The following ZNF521 variants were observed in gnomAD, a reference collection of about 807,000 sequenced individuals.
The protein encoded by ZNF521 is LYST-interacting protein 3.
A neutral mutation model predicts 105.5 loss-of-function variants in ZNF521; 14 were observed. That is an observed-to-expected ratio of 0.13 (90% confidence interval 0.09 to 0.21). The LOEUF (loss-of-function observed/expected upper bound fraction) is 0.21. ZNF521 is among the 10% of genes least tolerant of loss of function. The probability of loss-of-function intolerance (pLI) is 1.00; values close to 1 mark genes in which losing one functional copy is unlikely to be tolerated. For synonymous variants in ZNF521, 635 were observed against 606.0 expected, an observed-to-expected ratio of 1.05 and a Z score of -0.70; for missense variants, 1,233 against 1,629.7, an observed-to-expected ratio of 0.76 and a Z score of 4.19.
chr18:25,109,108 C>T (rs1390165899), intron 5 of ZNF521, among the ~76,000 whole-genome samples: 1 of 151,978 alleles, frequency 6.6e-6, no homozygotes, highest in Non-Finnish European at 1.5e-5. Context: ...CCCTCACGCC[C>T]CCAACCCTCC....
At chr18:25,179,208 C>T (rs1257920671) in intron 5 of ZNF521, among the ~76,000 whole-genome samples, 1 of 125,672 alleles carries the variant, frequency 8.0e-6, no homozygotes, top group Admixed American at 1.0e-4. Flanking sequence ...GGCTGGAGTG[C>T]AGTGGTGTGA....
chr18:25,309,022 T>C (rs1912147638), intron 3 of ZNF521, among the ~76,000 whole-genome samples: 1 of 152,186 alleles, frequency 6.6e-6, no homozygotes, highest in South Asian at 2.1e-4. Context: ...TTAAGCTCCA[T>C]CTGTGAGTGA....
At chr18:25,122,943 C>A (rs773256033) in intron 5 of ZNF521, among the ~76,000 whole-genome samples, 3 of 152,032 alleles carry the variant, frequency 2.0e-5, no homozygotes, top group Non-Finnish European at 4.4e-5. Context: ...CGCACTCAGC[C>A]AGTCACAGGT....
intron 5 of ZNF521, among the ~76,000 whole-genome samples, chr18:25,111,583 T>C (rs2034190748): frequency 6.6e-6 from 1 of 152,224 alleles, no homozygotes; most frequent in Non-Finnish European, 1.5e-5. Flanking sequence ...TGTTCTCAAG[T>C]AAAGCTGACA....
chr18:25,103,054 C>G, intron 5 of ZNF521, among the ~76,000 whole-genome samples: 1 of 151,904 alleles, frequency 6.6e-6, no homozygotes, highest in East Asian at 1.9e-4. Context: ...GAAGGGAAGC[C>G]TAAGTTGATG....
At chr18:25,067,080 A>G (rs931609222) in intron 7 of ZNF521, among the ~76,000 whole-genome samples, 2 of 152,202 alleles carry the variant, frequency 1.3e-5, no homozygotes, top group Non-Finnish European at 2.9e-5. Flanking sequence ...ACAGAGAGCC[A>G]TATTCTACTC....
In ZNF521 at chr18:25,272,698, C is replaced by T. The variant is rs183822645; in HGVS notation, c.221-45001G>A. 3.5e-3 allele frequency among the ~76,000 whole-genome samples: 523 copies of T among 151,582 alleles called. 3 individuals are homozygous for T. The highest frequency in any genetic ancestry group is 0.012 in the African/African-American group (494 of 41,324). On this transcript the variant is annotated intron_variant, in intron 3 of 7. Coordinates refer to ENST00000361524, the MANE Select transcript of ZNF521 (RefSeq NM_015461.3). Reference sequence around the variant, plus strand: ...AACACTGCATGTTATCAGTCACAAGCGGGAGTTGTACAATGAGGACACAGG... The same window carrying T: ...AACACTGCATGTTATCAGTCACAAGTGGGAGTTGTACAATGAGGACACAGG...
At chr18:25,236,993 G>C (rs182427538) in intron 3 of ZNF521, among the ~76,000 whole-genome samples, 1 of 152,252 alleles carries the variant, frequency 6.6e-6, no homozygotes, top group Non-Finnish European at 1.5e-5. Flanking sequence ...GGACTTTCCA[G>C]TTACCCTCTT....
chr18:25,254,216 A>G lies in ZNF521; in HGVS notation c.221-26519T>C, dbSNP rs1908316695. On this transcript the variant is annotated intron_variant, in intron 3 of 7. Transcript: ENST00000361524. ...TGGGACAGTAAAGGCTGGCTGCACC[A>G]TGCAATAAAAATCAATGAAGCAAGG... is the stretch of plus-strand genomic sequence containing the variant. Among the ~76,000 whole-genome samples the G allele has an allele frequency of 1.3e-5, 2 of 152,150 alleles. 1 individual carries two copies. The highest frequency in any genetic ancestry group is 4.1e-4 in the South Asian group (2 of 4,830).
intron 5 of ZNF521, among the ~76,000 whole-genome samples, chr18:25,165,933 A>G (rs1484216757): frequency 9.2e-5 from 14 of 152,216 alleles, no homozygotes; most frequent in Admixed American, 9.2e-4. Flanking sequence ...GTTTTCTGCC[A>G]AACAACACCA....
At chr18:25,246,831 C>A (rs1373668222) in intron 3 of ZNF521, among the ~76,000 whole-genome samples, 1 of 152,166 alleles carries the variant, frequency 6.6e-6, no homozygotes, top group Admixed American at 6.5e-5. Flanking sequence ...TGACCATAGT[C>A]TTTACTTGGG....
At chr18:25,116,923 GTATA>G (rs35050905) in intron 5 of ZNF521, among the ~76,000 whole-genome samples, 2 of 133,756 alleles carry the variant, frequency 1.5e-5, no homozygotes, top group Non-Finnish European at 3.1e-5. Context: ...GTATATCTAT[GTATA>G]TATATACGTA....
chr18:25,298,893 ACTC>A (rs373441354), intron 3 of ZNF521, among the ~76,000 whole-genome samples: 41 of 152,242 alleles, frequency 2.7e-4, no homozygotes, highest in African/African-American at 9.9e-4. Flanking sequence ...GCAGGATCAC[ACTC>A]CTCTTTTAAA....
chr18:25,252,442 C>G lies in ZNF521; in HGVS notation c.221-24745G>C, dbSNP rs570306604. ...TAACATTTTATTTATGATTCAGGTT[C>G]TGATTCATAAACACTATGCACATAT... On this transcript the variant is annotated intron_variant, in intron 3 of 7. Transcript: ENST00000361524. 7.2e-5 allele frequency among the ~76,000 whole-genome samples: 11 copies of G among 152,168 alleles called. No homozygotes were observed. In the East Asian group the frequency reaches 1.9e-3, roughly 27 times the overall value.
chr18:25,306,024 C>T (rs576719571), intron 3 of ZNF521, among the ~76,000 whole-genome samples: 1 of 152,206 alleles, frequency 6.6e-6, no homozygotes, highest in African/African-American at 2.4e-5. Flanking sequence ...TAAGGACATA[C>T]AACCAGCTTT....
chr18:25,347,185 A>G (rs1302703244), intron 2 of ZNF521, among the ~76,000 whole-genome samples: 1 of 152,148 alleles, frequency 6.6e-6, no homozygotes, highest in Non-Finnish European at 1.5e-5. Flanking sequence ...CAGGTAATCT[A>G]CTCAAGTACC....
chr18:25,328,102 T>A (rs1174058849), intron 2 of ZNF521, among the ~76,000 whole-genome samples: 2 of 152,216 alleles, frequency 1.3e-5, no homozygotes, highest in African/African-American at 4.8e-5. Context: ...GTTAAATTGT[T>A]TTACAGAAGA....
chr18:25,086,998 T>A (rs1237863465), intron 7 of ZNF521, among the ~76,000 whole-genome samples: 3 of 152,188 alleles, frequency 2.0e-5, no homozygotes, highest in Non-Finnish European at 4.4e-5. Context: ...CCCTTTATAC[T>A]CTCATTATCT....
At chr18:25,199,175 A>T (rs1173026236) in intron 4 of ZNF521, among the ~76,000 whole-genome samples, 1 of 151,986 alleles carries the variant, frequency 6.6e-6, no homozygotes, top group Non-Finnish European at 1.5e-5. Flanking sequence ...GCAAATCTAG[A>T]ATATTCTTTC....
Sources: gnomAD v4.1 joint callset for allele counts (sites outside exome capture counted in the v4.1 genomes callset) on GRCh38, gnomAD v4.1.1 for gene constraint, MANE v1.5 for transcripts, NCBI Gene and HGNC (gene_info 2026-07-23, HGNC 2026-07-21) for gene names.